Variants in POU6F2 observed in about 807,000 individuals in gnomAD.
The protein encoded by POU6F2 is POU class 6 homeobox 2, also known as POU domain, class 6, transcription factor 2.
POU6F2 carries 31 observed loss-of-function variants against 71.3 expected under a neutral mutation model. The ratio of observed to expected loss-of-function variants is 0.43; its 90% CI spans 0.33 to 0.59. The LOEUF is 0.59. POU6F2 is among the 20% of genes least tolerant of loss of function. The pLI, the probability that POU6F2 is intolerant of heterozygous loss-of-function variation, is 0.04. For missense variants in POU6F2, 783 were observed against 856.8 expected (o/e 0.91, Z 1.07); for synonymous variants, 347 against 355.7 (o/e 0.98, Z 0.27).
chr7:39,031,566 T>C (rs967487170), intron 1 of POU6F2, among the ~76,000 whole-genome samples: 1 of 152,078 alleles, frequency 6.6e-6, no homozygotes, highest in Non-Finnish European at 1.5e-5. Flanking sequence ...CTTAATTCCC[T>C]CCTATCATTT....
chr7:39,179,629 G>T (rs1793400354), intron 2 of POU6F2, among the ~76,000 whole-genome samples: 1 of 152,246 alleles, frequency 6.6e-6, no homozygotes. Context: ...TGATCCACTG[G>T]ATCTGGGGTG....
chr7:39,061,895 T>C (rs1156653006), intron 1 of POU6F2, among the ~76,000 whole-genome samples: 1 of 152,208 alleles, frequency 6.6e-6, no homozygotes, highest in Non-Finnish European at 1.5e-5. Context: ...AATTGCAAGG[T>C]GCCTCGCTTT....
chr7:39,046,247 A>T (rs991892082), intron 1 of POU6F2, among the ~76,000 whole-genome samples: 3 of 151,814 alleles, frequency 2.0e-5, no homozygotes, highest in Non-Finnish European at 4.4e-5. Flanking sequence ...AGCTATTTGT[A>T]TATCTCATTT....
At chr7:39,202,909 T>C (rs4472423) in intron 2 of POU6F2, among the ~76,000 whole-genome samples, 56,760 of 152,064 alleles carry the variant, frequency 0.37, 10,916 homozygotes, top group South Asian at 0.49. Flanking sequence ...GTAAGTATTC[T>C]CCAAGCAATG....
chr7:39,138,465 C>T (rs79112285), intron 2 of POU6F2, among the ~76,000 whole-genome samples: 262 of 152,268 alleles, frequency 1.7e-3, no homozygotes, highest in Non-Finnish European at 2.9e-3. Flanking sequence ...ACCTGAGCTC[C>T]GCCTCCTGTC....
chr7:39,098,414 C>T (rs375894844), intron 2 of POU6F2, among the ~76,000 whole-genome samples: 1 of 151,898 alleles, frequency 6.6e-6, no homozygotes, highest in East Asian at 1.9e-4. Context: ...GCTGGTACTA[C>T]AGGCGTGTAC....
intron 4 of POU6F2, among the ~76,000 whole-genome samples, chr7:39,297,759 A>T (rs1162663656): frequency 6.6e-6 from 1 of 152,222 alleles, no homozygotes; most frequent in African/African-American, 2.4e-5. Context: ...AAACTATATT[A>T]CAAGGCTACA....
chr7:39,102,151 C>A (rs1791587257), intron 2 of POU6F2, among the ~76,000 whole-genome samples: 1 of 152,150 alleles, frequency 6.6e-6, no homozygotes, highest in Admixed American at 6.5e-5. Context: ...GTGCAAATAA[C>A]CATTTAATAT....
intron 1 of POU6F2, among the ~76,000 whole-genome samples, chr7:39,023,591 G>A (rs1009453847): frequency 1.3e-5 from 2 of 152,012 alleles, no homozygotes; most frequent in Admixed American, 1.3e-4. Context: ...AGTCATGGTT[G>A]AGAAATCTTG....
At chr7:38,980,047 T>C (rs539736552) in intron 1 of POU6F2, among the ~76,000 whole-genome samples, 89 of 152,296 alleles carry the variant, frequency 5.8e-4, no homozygotes, top group African/African-American at 2.1e-3. Context: ...TTAGTTATTA[T>C]TACATAGCTC....
intron 1 of POU6F2, among the ~76,000 whole-genome samples, chr7:39,014,175 G>A (rs1472192169): frequency 1.3e-5 from 2 of 152,180 alleles, no homozygotes; most frequent in African/African-American, 4.8e-5. Flanking sequence ...TCTTGGGAGT[G>A]TCTTTGAGTA....
intron 5 of POU6F2, among the ~76,000 whole-genome samples, chr7:39,345,049 A>T (rs1401941815): frequency 1.3e-5 from 2 of 152,194 alleles, no homozygotes; most frequent in Non-Finnish European, 2.9e-5. Flanking sequence ...ATCAAAATGA[A>T]CGCCAAAAGT....
intron 4 of POU6F2, among the ~76,000 whole-genome samples, chr7:39,258,701 T>TAA (rs5883681): frequency 3.9e-4 from 57 of 145,170 alleles, no homozygotes; most frequent in Non-Finnish European, 4.8e-4. Context: ...TCTAGATGTT[T>TAA]AAAAAAAAAA....
chr7:39,351,713 G>A (rs1786142940), intron 5 of POU6F2, among the ~76,000 whole-genome samples: 1 of 152,192 alleles, frequency 6.6e-6, no homozygotes, highest in South Asian at 2.1e-4. Flanking sequence ...GAATGCTGAT[G>A]CAGCGGGTTG....
At chr7:39,284,743 T>A (rs1784621705) in intron 4 of POU6F2, among the ~76,000 whole-genome samples, 1 of 152,232 alleles carries the variant, frequency 6.6e-6, no homozygotes, top group Non-Finnish European at 1.5e-5. Flanking sequence ...GGCTTTTCCA[T>A]GCCACTCAAG....
chr7:39,416,939 G>T (rs1787693721), intron 6 of POU6F2, among the ~76,000 whole-genome samples: 2 of 152,186 alleles, frequency 1.3e-5, no homozygotes, highest in African/African-American at 4.8e-5. Flanking sequence ...GGCTGTTGAT[G>T]ATGGCTCCTT....
In POU6F2 at chr7:39,433,232, C is replaced by T. The variant is rs201471567; in HGVS notation, c.1269C>T (p.Pro423=). The change falls in exon 7 of 10, where the codon CCC becomes CCT. Residue 423 remains proline, a synonymous_variant. Transcript: ENST00000518318. ...CAGTCATTGGGAACCAGATCCTGCCCGTGATCAACACCCAGGGCATCACGC... is the reference window on the plus strand; with the variant it reads ...CAGTCATTGGGAACCAGATCCTGCCTGTGATCAACACCCAGGGCATCACGC... The part of the protein sequence containing the change: ...IATVIGNQIL[P]VINTQGITLS... The T allele has an allele frequency of 8.1e-6, 13 of 1,613,932 alleles. No individual in the cohort carries two copies. Among genetic ancestry groups the T allele is most frequent in the Non-Finnish European group, 1.1e-5 (13 of 1,179,884 alleles).
At chr7:39,299,571 A>C (rs1477994606) in intron 4 of POU6F2, among the ~76,000 whole-genome samples, 1 of 152,232 alleles carries the variant, frequency 6.6e-6, no homozygotes, top group Non-Finnish European at 1.5e-5. Flanking sequence ...GTAAATAGGT[A>C]ATGAGGGGCT....
chr7:39,170,824 A>G (rs965650552), intron 2 of POU6F2, among the ~76,000 whole-genome samples: 1 of 152,040 alleles, frequency 6.6e-6, no homozygotes, highest in Non-Finnish European at 1.5e-5. Flanking sequence ...CATTGTATAC[A>G]TGTATCAAAA....
Sources: allele counts gnomAD v4.1 joint callset (sites outside exome capture counted in the v4.1 genomes callset), GRCh38; gene constraint gnomAD v4.1.1; transcripts MANE v1.5; gene names NCBI Gene and HGNC (gene_info 2026-07-23, HGNC 2026-07-21).